Variants in TACR3 observed in about 807,000 individuals in gnomAD.
The protein encoded by TACR3 is tachykinin receptor 3.
Under a neutral mutation model 35.0 loss-of-function variants are expected in TACR3, and 34 were observed. The ratio of observed to expected loss-of-function variants is 0.97; its 90% CI spans 0.74 to 1.30. TACR3 has a LOEUF of 1.30. Ranked by LOEUF, TACR3 falls within the 50% of genes most tolerant of loss-of-function variation. The pLI is 0.00. For synonymous variants in TACR3, 233 were observed against 221.1 expected, an observed-to-expected ratio of 1.05 and a Z score of -0.48; for missense variants, 558 against 591.7, an observed-to-expected ratio of 0.94 and a Z score of 0.59.
At chr4:103,700,406 G>C (rs1274558017) in intron 1 of TACR3, among the ~76,000 whole-genome samples, 2 of 152,096 alleles carry the variant, frequency 1.3e-5, no homozygotes, top group African/African-American at 4.8e-5. Context: ...ACTTGGGCAG[G>C]TGTGAAGGAG....
chr4:103,668,251 C>T (rs1420020325), intron 1 of TACR3, among the ~76,000 whole-genome samples: 1 of 152,078 alleles, frequency 6.6e-6, no homozygotes, highest in African/African-American at 2.4e-5. Context: ...TATAGGTTTC[C>T]CAGCACATTT....
At chr4:103,595,801 C>G (rs1303921047) in intron 3 of TACR3, among the ~76,000 whole-genome samples, 2 of 150,792 alleles carry the variant, frequency 1.3e-5, no homozygotes, top group Non-Finnish European at 3.0e-5. Flanking sequence ...GCACAATGTG[C>G]AGGTTAGTTA....
intron 1 of TACR3, among the ~76,000 whole-genome samples, chr4:103,681,478 A>C (rs1460552981): frequency 1.3e-5 from 2 of 152,140 alleles, no homozygotes; most frequent in African/African-American, 2.4e-5. Context: ...AAAATGGTAG[A>C]AAAAGATCTA....
intron 1 of TACR3, among the ~76,000 whole-genome samples, chr4:103,701,624 G>A (rs1490593560): frequency 2.0e-5 from 3 of 152,150 alleles, no homozygotes; most frequent in Non-Finnish European, 4.4e-5. Flanking sequence ...AAAGCTGGAG[G>A]CATCACACTA....
intron 2 of TACR3, among the ~76,000 whole-genome samples, chr4:103,656,944 G>T (rs1725745290): frequency 8.8e-6 from 1 of 113,368 alleles, no homozygotes; most frequent in Admixed American, 8.4e-5. Flanking sequence ...TGTTAACTTG[G>T]TAAAAACAAA....
intron 3 of TACR3, among the ~76,000 whole-genome samples, chr4:103,608,705 C>T (rs913402736): frequency 6.6e-6 from 1 of 152,026 alleles, no homozygotes; most frequent in Non-Finnish European, 1.5e-5. Flanking sequence ...CAAGTACAAC[C>T]GAAGGCTTAT....
intron 1 of TACR3, among the ~76,000 whole-genome samples, chr4:103,703,622 A>C (rs77011523): frequency 0.027 from 4,138 of 152,220 alleles, 206 homozygotes; most frequent in African/African-American, 0.095. Flanking sequence ...CCAGTTGTCT[A>C]ATCTGCAGCA....
intron 3 of TACR3, among the ~76,000 whole-genome samples, chr4:103,611,265 T>G (rs1422412265): frequency 6.6e-6 from 1 of 152,210 alleles, no homozygotes; most frequent in East Asian, 1.9e-4. Flanking sequence ...GATGGGATAT[T>G]TTTCCACTTA....
intron 4 of TACR3, 56 bp downstream of exon 4, chr4:103,591,431 G>A (rs761078687): frequency 2.2e-4 from 349 of 1,586,968 alleles, no homozygotes; most frequent in Non-Finnish European, 2.9e-4. Flanking sequence ...AACATTGTAT[G>A]TTTCCAGTGA....
intron 3 of TACR3, among the ~76,000 whole-genome samples, chr4:103,646,907 G>A (rs1337769047): frequency 6.6e-6 from 1 of 151,694 alleles, no homozygotes; most frequent in African/African-American, 2.4e-5. Flanking sequence ...TCTTACTTAG[G>A]GAACAGTATG....
At chr4:103,625,835 G>GATA (rs1724879935) in intron 3 of TACR3, among the ~76,000 whole-genome samples, 2 of 151,968 alleles carry the variant, frequency 1.3e-5, no homozygotes, top group African/African-American at 2.4e-5. Context: ...TTTGAAGATA[G>GATA]GGCCTTTAAA....
intron 3 of TACR3, among the ~76,000 whole-genome samples, chr4:103,611,763 G>C (rs976755829): frequency 1.5e-4 from 23 of 152,062 alleles, no homozygotes; most frequent in African/African-American, 2.4e-4. Context: ...CATTCTTCTT[G>C]TGAACATCCA....
intron 3 of TACR3, among the ~76,000 whole-genome samples, chr4:103,611,884 C>A (rs941263979): frequency 2.0e-5 from 3 of 152,104 alleles, no homozygotes; most frequent in African/African-American, 4.8e-5. Flanking sequence ...AATCACTTGG[C>A]AAATCCTATT....
intron 3 of TACR3, among the ~76,000 whole-genome samples, chr4:103,608,116 C>A (rs1490505761): frequency 1.3e-5 from 2 of 152,026 alleles, no homozygotes; most frequent in South Asian, 4.1e-4. Context: ...CTCATATGTT[C>A]GTTACCACGC....
intron 1 of TACR3, among the ~76,000 whole-genome samples, chr4:103,690,813 C>T (rs1722386620): frequency 6.6e-6 from 1 of 151,740 alleles, no homozygotes; most frequent in Non-Finnish European, 1.5e-5. Flanking sequence ...TGAGGTAATG[C>T]ATTTGTTGAT....
chr4:103,661,844 A>G (rs1488413559), intron 1 of TACR3, among the ~76,000 whole-genome samples: 2 of 152,168 alleles, frequency 1.3e-5, no homozygotes, highest in Non-Finnish European at 1.5e-5. Flanking sequence ...CATTTATTCA[A>G]TAAAACATTT....
At chr4:103,637,633 A>G (rs1725224264) in intron 3 of TACR3, among the ~76,000 whole-genome samples, 2 of 152,156 alleles carry the variant, frequency 1.3e-5, no homozygotes, top group Non-Finnish European at 2.9e-5. Flanking sequence ...CAGTTAGGAA[A>G]AGAGGAAGTC....
chr4:103,688,894 ACTGGGT>A (rs1283109881), intron 1 of TACR3, among the ~76,000 whole-genome samples: 1 of 152,138 alleles, frequency 6.6e-6, no homozygotes, highest in African/African-American at 2.4e-5. Flanking sequence ...CCATCCCATT[ACTGGGT>A]ATATACCCAA....
intron 3 of TACR3, among the ~76,000 whole-genome samples, chr4:103,636,477 T>G (rs924051726): frequency 4.6e-5 from 7 of 151,986 alleles, no homozygotes; most frequent in African/African-American, 1.7e-4. Flanking sequence ...TTTGGTTGGC[T>G]TACCACACAA....
Sources: allele counts gnomAD v4.1 joint callset (sites outside exome capture counted in the v4.1 genomes callset), GRCh38; gene constraint gnomAD v4.1.1; transcripts MANE v1.5; gene names NCBI Gene and HGNC (gene_info 2026-07-23, HGNC 2026-07-21).